The following ATP2A1 variants were observed in gnomAD, a reference collection of about 807,000 sequenced individuals.
ATP2A1 encodes sarcoplasmic/endoplasmic reticulum calcium ATPase 1.
ATP2A1 carries 83 observed loss-of-function variants against 109.5 expected under a neutral mutation model. The ratio of observed to expected loss-of-function variants is 0.76; its 90% CI spans 0.63 to 0.91. The LOEUF (loss-of-function observed/expected upper bound fraction) is 0.91. Among genes scored for constraint, ATP2A1 ranks in the 40% least tolerant of loss-of-function variants. The pLI is 0.00. For missense variants in ATP2A1, 1,101 were observed against 1,341.0 expected, an observed-to-expected ratio of 0.82 and a Z score of 2.80; for synonymous variants, 505 against 537.6, an observed-to-expected ratio of 0.94 and a Z score of 0.84.
intron 9 of ATP2A1, 110 bp downstream of exon 9, chr16:28,889,063 C>T: frequency 6.8e-7 from 1 of 1,477,598 alleles, no homozygotes; most frequent in Non-Finnish European, 9.3e-7. Flanking sequence ...CTCATCTGGG[C>T]CTGCAAAATG....
chr16:28,889,566 T>A (rs866950714), intron 9 of ATP2A1, among the ~76,000 whole-genome samples: 38 of 152,322 alleles, frequency 2.5e-4, no homozygotes, highest in Middle Eastern at 3.4e-3. Flanking sequence ...CCTAACTTCC[T>A]TTTTTAGAGG....
In ATP2A1 at chr16:28,882,570, G is replaced by T; in HGVS notation, c.444G>T (p.Gly148=). The part of the protein sequence containing the change: ...QRIKARDIVP[G]DIVEVAVGDK... The stretch of plus-strand genomic sequence containing the variant: ...TCAAGGCTCGGGACATCGTCCCTGG[G>T]GACATCGTGGAGGTGGCTGGTGAGT... The change falls in exon 5 of 23, where the codon GGG becomes GGT. Residue 148 remains glycine (G), a synonymous_variant. Coordinates refer to ENST00000395503, the MANE Select transcript of ATP2A1 (RefSeq NM_004320.6). 6.2e-7 allele frequency: 1 copy of T among 1,614,206 alleles called. No homozygotes were observed. Among genetic ancestry groups the T allele is most frequent in the Non-Finnish European group, 8.5e-7 (1 of 1,180,018 alleles).
intron 9 of ATP2A1, among the ~76,000 whole-genome samples, chr16:28,892,931 C>G (rs1020360607): frequency 7.9e-5 from 12 of 151,966 alleles, no homozygotes; most frequent in African/African-American, 2.9e-4. Context: ...GTACTCCCAG[C>G]TACTCTGGAG....
chr16:28,898,077 C>T lies in ATP2A1; in HGVS notation c.1497C>T (p.Ser499=), dbSNP rs1158408348. 2 of 1,614,166 alleles carry T rather than the reference C, an allele frequency of 1.2e-6. No homozygotes were observed. Among genetic ancestry groups the T allele is most frequent in the Non-Finnish European group, 1.7e-6 (2 of 1,180,018 alleles). Residue 499 remains serine (S), a synonymous_variant, in exon 13 of 23, where the codon TCC becomes TCT. Transcript: ENST00000395503. This position sits in a 1 kb window ranked among gnomAD's most constrained non-coding sequence, Gnocchi z 4.0. ...RDRKSMSVYC[S]PAKSSRAAVG... Reference sequence around the variant, plus strand: ...GAAAGTCCATGTCTGTCTATTGCTCCCCAGCCAAATCTTCCCGGGCTGCTG... The same window carrying T: ...GAAAGTCCATGTCTGTCTATTGCTCTCCAGCCAAATCTTCCCGGGCTGCTG...
intron 12 of ATP2A1, among the ~76,000 whole-genome samples, chr16:28,897,689 C>G (rs376400494): frequency 2.6e-5 from 4 of 152,054 alleles, no homozygotes; most frequent in Non-Finnish European, 5.9e-5. Flanking sequence ...AGGCTGGTCT[C>G]GAACTCCTGA....
chr16:28,898,217 T>C lies in ATP2A1; in HGVS notation c.1546-16T>C. The C allele has an allele frequency of 6.2e-7, 1 of 1,614,206 alleles. No individual in the cohort carries two copies. Among genetic ancestry groups the C allele is most frequent in the Non-Finnish European group, 8.5e-7 (1 of 1,180,020 alleles). On this transcript the variant is annotated splice_polypyrimidine_tract_variant and intron_variant, in intron 13 of 22. Coordinates refer to ENST00000395503, the MANE Select transcript of ATP2A1 (RefSeq NM_004320.6). The surrounding 1 kb of genome is among the most constrained non-coding windows in gnomAD (Gnocchi z 4.0). ...AAGGAAAGTGGTGGTCTCTGAATGC[T>C]GTTCTGGTCTCCTAGGGTGCCCCTG...
At chr16:28,887,864 G>A in intron 8 of ATP2A1, 142 bp downstream of exon 8, 1 of 1,122,834 alleles carries the variant, frequency 8.9e-7, no homozygotes, top group Non-Finnish European at 1.3e-6. Context: ...GCAGTGGCGT[G>A]ATCTCGGCTC....
Position 28,887,434 on chromosome 16 carries a change from A to T in ATP2A1, c.640A>T (p.Ile214Phe). ...KKNMLFSGTNIAAGKALGIVA... is the reference protein window; with the variant it reads ...KKNMLFSGTNFAAGKALGIVA... ...CTCTTTCCCTTCCCAGGGCACCAACATTGCAGCCGGCAAGGCCTTGGGCAT... is the reference window on the plus strand; with the variant it reads ...CTCTTTCCCTTCCCAGGGCACCAACTTTGCAGCCGGCAAGGCCTTGGGCAT... The change falls in exon 8 of 23, where the codon ATT (isoleucine) becomes TTT (phenylalanine). Residue 214 changes from isoleucine (I) to phenylalanine (F), a missense_variant. Physicochemically the swap from Ile to Phe is conservative, Grantham distance 21. Coordinates refer to ENST00000395503, the MANE Select transcript of ATP2A1 (RefSeq NM_004320.6). The T allele has an allele frequency of 6.2e-7, 1 of 1,613,838 alleles. No homozygotes were observed. Among genetic ancestry groups the T allele is most frequent in the South Asian group, 1.1e-5 (1 of 91,062 alleles).
In ATP2A1 at chr16:28,884,347, G is replaced by C. The variant is rs7501189; in HGVS notation, c.464-228G>C. Among the ~76,000 whole-genome samples, 1,030 of 152,230 alleles carry C rather than the reference G, an allele frequency of 6.8e-3. 10 individuals are homozygous for C. The highest frequency in any genetic ancestry group is 0.023 in the African/African-American group (948 of 41,528). ...GAGTTCAAGACCAGCCTGAGCAACA[G>C]AGCGAGACTCCATCTCGCCGTGGAC... is the stretch of plus-strand genomic sequence containing the variant. On this transcript the variant is annotated intron_variant, in intron 5 of 22. Transcript: ENST00000395503.
rs1237395622 is a variant in ATP2A1 at position 28,880,871 on chromosome 16, T to G, written c.220-44T>G. ...GGTCCACTTCCTTTCTCCATCTGTT[T>G]TGGGGCCTCATTACCTGTCATTCTC... On this transcript the variant is annotated intron_variant, in intron 3 of 22. Transcript: ENST00000395503. The surrounding 1 kb of genome is among the most constrained non-coding windows in gnomAD (Gnocchi z 4.2). 2.6e-6 allele frequency: 4 copies of G among 1,549,158 alleles called. No individual in the cohort carries two copies. The South Asian group carries it at 4.5e-5, about 17-fold the overall frequency.
chr16:28,884,777 C>G, intron 6 of ATP2A1, 122 bp downstream of exon 6: 2 of 985,392 alleles, frequency 2.0e-6, no homozygotes, highest in African/African-American at 3.3e-5. Context: ...GAGACCCTGT[C>G]TCTACAAAAA....
rs202196733 is a variant in ATP2A1 at position 28,894,964 on chromosome 16, G to A, written c.1419+11G>A. 4.4e-5 allele frequency: 71 copies of A among 1,610,364 alleles called. No individual in the cohort carries two copies. In the East Asian group the frequency reaches 1.2e-3, roughly 28 times the overall value. On this transcript the variant is annotated intron_variant, in intron 12 of 22. Coordinates refer to ENST00000395503, the MANE Select transcript of ATP2A1 (RefSeq NM_004320.6). ...AACGCCTGCAACTCGGTGAGCCTGC[G>A]GAGCCCCTGCCACAGGGCCGTCTCC... is the stretch of plus-strand genomic sequence containing the variant.
intron 8 of ATP2A1, among the ~76,000 whole-genome samples, chr16:28,888,255 A>G (rs1963676164): frequency 6.8e-6 from 1 of 147,534 alleles, no homozygotes; most frequent in Non-Finnish European, 1.5e-5. Flanking sequence ...CTGGTCTCGA[A>G]CTCCTGGGCT....
Position 28,902,616 on chromosome 16 carries a change from G to A in ATP2A1, c.2561G>A (p.Trp854Ter), listed in dbSNP as rs1164127320. The A allele has an allele frequency of 3.1e-6, 5 of 1,613,976 alleles. No homozygotes were observed. The highest frequency in any genetic ancestry group is 4.2e-6 in the Non-Finnish European group (5 of 1,180,014). Reference protein sequence around the residue: ...VGAATVGAAAWWFLYAEDGPH... With the variant: ...VGAATVGAAA ...GCAGCCACCGTGGGAGCAGCTGCCT[G>A]GTGGTTCCTGTACGCTGAGGATGGG... The change falls in exon 18 of 23, where the codon TGG becomes TAG. Residue 854 changes from tryptophan (W) to a stop codon, truncating the protein, a stop_gained. Coordinates refer to ENST00000395503, the MANE Select transcript of ATP2A1 (RefSeq NM_004320.6). LOFTEE classifies it high-confidence loss of function. This position sits in a 1 kb window ranked among gnomAD's most constrained non-coding sequence, Gnocchi z 4.8.
chr16:28,903,526 C>T lies in ATP2A1; in HGVS notation c.2980+86C>T. 7.9e-7 allele frequency: 1 copy of T among 1,263,966 alleles called. No homozygotes were observed. Among genetic ancestry groups the T allele is most frequent in the Non-Finnish European group, 1.1e-6 (1 of 885,464 alleles). 78.3% of individuals were successfully genotyped at this position (1,263,966 alleles called of 1,614,324 possible). On this transcript the variant is annotated intron_variant, in intron 21 of 22. Transcript: ENST00000395503. The surrounding 1 kb of genome is among the most constrained non-coding windows in gnomAD (Gnocchi z 5.6). ...CGCCCCCGCCCCGCCCCGTACTTTG[C>T]AGGTGGTAAGTTTCTCAGCCCTGGC... is the stretch of plus-strand genomic sequence containing the variant.
rs1335770510 is a variant in ATP2A1, at chr16:28,880,609, G to GGC, written c.220-305_220-304insCG. ...CGTGGGATGGATGTGGCTGTGCGGG[G>GGC]GGTTGGCCTGAGCTTCGCTTCTAAG... On this transcript the variant is annotated intron_variant, in intron 3 of 22. Coordinates refer to ENST00000395503, the MANE Select transcript of ATP2A1 (RefSeq NM_004320.6). The surrounding 1 kb of genome is among the most constrained non-coding windows in gnomAD (Gnocchi z 4.2). Among the ~76,000 whole-genome samples the GGC allele has an allele frequency of 6.6e-6, 1 of 152,220 alleles. No individual in the cohort carries two copies. The highest frequency in any genetic ancestry group is 6.5e-5 in the Admixed American group (1 of 15,288).
Position 28,880,821 on chromosome 16 carries a change from C to G in ATP2A1, c.220-94C>G. Reference sequence around the variant, plus strand: ...GCCCTCCTGCTGGCTCCTGCACTCTCCTGCACAGTTCTCCCCTTTGCAGTG... The same window carrying G: ...GCCCTCCTGCTGGCTCCTGCACTCTGCTGCACAGTTCTCCCCTTTGCAGTG... On this transcript the variant is annotated intron_variant, in intron 3 of 22. Transcript: ENST00000395503. The surrounding 1 kb of genome is among the most constrained non-coding windows in gnomAD (Gnocchi z 4.2). The G allele has an allele frequency of 1.6e-6, 2 of 1,255,016 alleles. No individual in the cohort carries two copies. The highest frequency in any genetic ancestry group is 1.5e-5 in the African/African-American group (1 of 67,836). 77.7% of individuals were successfully genotyped at this position (1,255,016 alleles called of 1,614,324 possible).
In ATP2A1 at chr16:28,881,531, A is replaced by T. The variant is rs1183286024; in HGVS notation, c.324+512A>T. The T allele has an allele frequency of 1.3e-5, 3 of 226,050 alleles. No individual in the cohort carries two copies. In the Admixed American group the frequency reaches 1.6e-4, roughly 12 times the overall value. The allele number at this position is 226,050 out of a possible 1,614,324, so 14.0% of individuals were successfully genotyped here. A position where few individuals can be genotyped will look rare whatever the true frequency, so the allele number is the denominator to read the frequency against. On this transcript the variant is annotated intron_variant, in intron 4 of 22. Transcript: ENST00000395503. ...GGTGCTCACTGGTTTCTGAACACTG[A>T]GGATAGAAATAGCCACTTTCATACT... is the stretch of plus-strand genomic sequence containing the variant.
rs1963967414 is a variant in ATP2A1, at chr16:28,898,070, A to G, written c.1490A>G (p.Tyr497Cys). ...FSRDRKSMSV[Y>C]CSPAKSSRAA... ...CGAGACAGAAAGTCCATGTCTGTCT[A>G]TTGCTCCCCAGCCAAATCTTCCCGG... is the stretch of plus-strand genomic sequence containing the variant. Residue 497 changes from tyrosine to cysteine, a missense_variant, in exon 13 of 23, where the codon TAT (tyrosine) becomes TGT (cysteine). Coordinates refer to ENST00000395503, the MANE Select transcript of ATP2A1 (RefSeq NM_004320.6). This position sits in a 1 kb window ranked among gnomAD's most constrained non-coding sequence, Gnocchi z 4.0. 3 of 1,613,996 alleles carry G rather than the reference A, an allele frequency of 1.9e-6. No homozygotes were observed. The highest frequency in any genetic ancestry group is 2.2e-5 in the South Asian group (2 of 91,058).
Sources: gnomAD v4.1 joint callset for allele counts (sites outside exome capture counted in the v4.1 genomes callset) on GRCh38, gnomAD v4.1.1 for gene constraint, Gnocchi (gnomAD v3.1) non-coding constraint, MANE v1.5 for transcripts, NCBI Gene and HGNC (gene_info 2026-07-23, HGNC 2026-07-21) for gene names.